The following TAF2 variants were observed in gnomAD, a reference collection of about 807,000 sequenced individuals.
TAF2 encodes TATA-box binding protein associated factor 2.
Under a neutral mutation model 138.5 loss-of-function variants are expected in TAF2, and 61 were observed. The observed-to-expected ratio is 0.44, with a 90% CI of 0.36 to 0.54. TAF2 has a LOEUF of 0.54. TAF2 is among the 20% of genes least tolerant of loss of function. TAF2 has a pLI of 0.00. For synonymous variants in TAF2, 475 were observed against 469.9 expected (o/e 1.01, Z -0.14); for missense variants, 1,090 against 1,427.9 (o/e 0.76, Z 3.81).
chr8:119,744,166 A>T, intron 24 of TAF2, 122 bp downstream of exon 24: 1 of 969,316 alleles, frequency 1.0e-6, no homozygotes, highest in African/African-American at 1.6e-5. Flanking sequence ...ACAATTTAAT[A>T]TTTTAAGCTG....
At chr8:119,772,759 A>G (rs1821936228) in intron 18 of TAF2, among the ~76,000 whole-genome samples, 1 of 151,986 alleles carries the variant, frequency 6.6e-6, no homozygotes, top group Admixed American at 6.6e-5. Context: ...CAACATGGTG[A>G]AACCCCGTCT....
chr8:119,803,508 T>C (rs999888618), intron 5 of TAF2, among the ~76,000 whole-genome samples: 9 of 152,098 alleles, frequency 5.9e-5, no homozygotes, highest in African/African-American at 1.4e-4. Context: ...CTGGCCAACA[T>C]GGTAAAACCC....
At chr8:119,832,359 A>T (rs940558002) in intron 1 of TAF2, 123 bp downstream of exon 1, 22 of 843,276 alleles carry the variant, frequency 2.6e-5, no homozygotes, top group Non-Finnish European at 4.3e-5. Flanking sequence ...TTTCCATCAC[A>T]GTGAGTAAAT....
intron 9 of TAF2, 37 bp downstream of exon 9, chr8:119,795,495 A>AG: frequency 6.5e-7 from 1 of 1,529,776 alleles, no homozygotes; most frequent in Non-Finnish European, 9.1e-7. Flanking sequence ...GGAGGACATA[A>AG]GACTTGTAAG....
chr8:119,804,866 C>T (rs954060603), intron 4 of TAF2, among the ~76,000 whole-genome samples: 1 of 152,090 alleles, frequency 6.6e-6, no homozygotes, highest in South Asian at 2.1e-4. Context: ...ATTATTATCA[C>T]GTTTTTTGTT....
chr8:119,798,204 C>T (rs905477527), intron 6 of TAF2, among the ~76,000 whole-genome samples: 1 of 151,966 alleles, frequency 6.6e-6, no homozygotes, highest in Non-Finnish European at 1.5e-5. Context: ...ATATTTAACC[C>T]AGTGAATAAT....
At chr8:119,806,455 ATT>A in intron 3 of TAF2, 54 bp from the exon 4 acceptor site, 2 of 1,324,832 alleles carry the variant, frequency 1.5e-6, no homozygotes, top group Non-Finnish European at 2.1e-6. Context: ...CTTACCAAGC[ATT>A]TTTCTTTCTT....
rs1563924502 is a variant in TAF2 at position 119,819,442 on chromosome 8, T to C, written c.203A>G (p.Lys68Arg). 1.2e-6 allele frequency: 2 copies of C among 1,612,120 alleles called. No homozygotes were observed. The highest frequency in any genetic ancestry group is 8.5e-7 in the Non-Finnish European group (1 of 1,179,494). The change falls in exon 3 of 26, where the codon AAA becomes AGA. Residue 68 changes from lysine (K) to arginine (R), a missense_variant. Physicochemically the swap from Lys to Arg is conservative, Grantham distance 26 (BLOSUM62 2). This residue lies in a region of TAF2 where 504 missense variants were observed against 680.9 expected (regional missense o/e 0.74). Coordinates refer to ENST00000378164, the MANE Select transcript of TAF2 (RefSeq NM_003184.4). ...ANLNRIKLNS[K>R]QCRIYRVRIN... ...CCTTACTCGGTATATTCTACACTGT[T>C]TGCTGTTCAACTTGATTCTATTCAA...
chr8:119,739,746 A>C (rs1052557630), intron 25 of TAF2, among the ~76,000 whole-genome samples: 1 of 150,400 alleles, frequency 6.6e-6, no homozygotes, highest in African/African-American at 2.5e-5. Context: ...GAACAGCATA[A>C]ATGAGTAAAC....
chr8:119,770,036 T>C (rs548049271), intron 18 of TAF2, among the ~76,000 whole-genome samples: 25 of 150,284 alleles, frequency 1.7e-4, no homozygotes, highest in Non-Finnish European at 2.9e-4. Flanking sequence ...GGATTACCGG[T>C]GTAAGCCACT....
rs904922542 is a variant in TAF2, at chr8:119,762,375, A to T, written c.2558+40T>A. ...ACAAAAATAAATTTCTTTTACAGTT[A>T]TAAGAACATATAACTTTAAAGTAAG... On this transcript the variant is annotated intron_variant, in intron 19 of 25. Transcript: ENST00000378164. 16 of 1,580,874 alleles carry T rather than the reference A, an allele frequency of 1.0e-5. No individual in the cohort carries two copies. The African/African-American group carries it at 1.9e-4, about 19-fold the overall frequency.
chr8:119,826,476 A>C (rs1826106682), intron 2 of TAF2, among the ~76,000 whole-genome samples: 1 of 152,190 alleles, frequency 6.6e-6, no homozygotes, highest in Non-Finnish European at 1.5e-5. Flanking sequence ...CTTTATTAGC[A>C]GCGTGAAAAT....
chr8:119,768,262 C>T (rs1821580471), intron 18 of TAF2, among the ~76,000 whole-genome samples: 1 of 152,210 alleles, frequency 6.6e-6, no homozygotes, highest in Non-Finnish European at 1.5e-5. Context: ...TCCCATACAC[C>T]ATCGAGCAGG....
intron 18 of TAF2, among the ~76,000 whole-genome samples, chr8:119,773,688 T>C (rs1270740194): frequency 1.3e-5 from 2 of 151,422 alleles, no homozygotes; most frequent in South Asian, 2.1e-4. Context: ...CCTCTCTATA[T>C]ATAGATTCTA....
chr8:119,769,867 C>T (rs966473363), intron 18 of TAF2, among the ~76,000 whole-genome samples: 1 of 151,778 alleles, frequency 6.6e-6, no homozygotes, highest in Admixed American at 6.6e-5. Context: ...AAGCGATTAT[C>T]CTGTCTCAGC....
intron 4 of TAF2, among the ~76,000 whole-genome samples, chr8:119,805,783 A>G (rs1824589726): frequency 6.6e-6 from 1 of 152,094 alleles, no homozygotes; most frequent in Non-Finnish European, 1.5e-5. Flanking sequence ...CAGCCCTGAA[A>G]TGGTATCATC....
chr8:119,774,411 T>G (rs1048847717), intron 18 of TAF2, among the ~76,000 whole-genome samples: 1 of 152,156 alleles, frequency 6.6e-6, no homozygotes, highest in South Asian at 2.1e-4. Context: ...ACCAAGCTTA[T>G]TCAACACAGC....
chr8:119,771,529 C>T (rs116209725), intron 18 of TAF2, among the ~76,000 whole-genome samples: 2,269 of 152,084 alleles, frequency 0.015, 59 homozygotes, highest in African/African-American at 0.052. Flanking sequence ...AGCCACTGTG[C>T]CCGGCCACGA....
At chr8:119,737,941 T>C (rs777314723) in intron 25 of TAF2, among the ~76,000 whole-genome samples, 15 of 152,132 alleles carry the variant, frequency 9.9e-5, no homozygotes, top group Non-Finnish European at 1.9e-4. Flanking sequence ...AAAAGACACA[T>C]ACACAAATAT....
Sources: allele counts gnomAD v4.1 joint callset (sites outside exome capture counted in the v4.1 genomes callset), GRCh38; gene constraint gnomAD v4.1.1; regional missense constraint gnomAD v4.1.1; transcripts MANE v1.5; gene names NCBI Gene and HGNC (gene_info 2026-07-23, HGNC 2026-07-21).